The following GCNT3 variants were observed in gnomAD, a reference collection of about 807,000 sequenced individuals.
GCNT3 encodes the protein beta-1,3-galactosyl-O-glycosyl-glycoprotein beta-1,6-N-acetylglucosaminyltransferase 3.
For synonymous variants in GCNT3, 269 were observed against 195.2 expected, an observed-to-expected ratio of 1.38 and a Z score of -3.15; for missense variants, 708 against 530.3, an observed-to-expected ratio of 1.34 and a Z score of -3.29.
At chr15:59,613,577 TAAAA>T (rs869113538) in intron 1 of GCNT3, among the ~76,000 whole-genome samples, 2 of 115,460 alleles carry the variant, frequency 1.7e-5, no homozygotes, top group African/African-American at 6.3e-5. Context: ...AATAAATAAA[TAAAA>T]ATAAAAATAA....
chr15:59,620,385 C>G lies in GCNT3; in HGVS notation c.*830C>G, dbSNP rs981443259. 2.4e-5 allele frequency: 4 copies of G among 167,166 alleles called. No individual in the cohort carries two copies. The highest frequency in any genetic ancestry group is 9.6e-5 in the African/African-American group (4 of 41,558). The allele number at this position is 167,166 out of a possible 1,614,324, so 10.4% of individuals were successfully genotyped here. ...GTTTCACCATATTCGCCAGGCTGGT[C>G]TTGAACTCCTGACCTTGTGATCTGC... is the stretch of plus-strand genomic sequence containing the variant. On this transcript the variant is annotated 3_prime_UTR_variant, in exon 3 of 3. Coordinates refer to ENST00000396065, the MANE Select transcript of GCNT3 (RefSeq NM_004751.3).
In GCNT3 at chr15:59,611,919, A is replaced by T. The variant is rs1168238442; in HGVS notation, c.-313A>T. On this transcript the variant is annotated 5_prime_UTR_variant, in exon 1 of 3. It removes an upstream start codon present in the reference 5' UTR. Transcript: ENST00000396065. Reference sequence around the variant, plus strand: ...CACTGTAGGTGCTGAAGGGAAACAGATGAAGAACATGACCTCAAGGAGCTT... The same window carrying T: ...CACTGTAGGTGCTGAAGGGAAACAGTTGAAGAACATGACCTCAAGGAGCTT... 3 of 152,202 alleles carry T rather than the reference A, an allele frequency of 2.0e-5. No homozygotes were observed. Among genetic ancestry groups the T allele is most frequent in the African/African-American group, 4.8e-5 (2 of 41,446 alleles). The allele number at this position is 152,202 out of a possible 1,614,324, so 9.4% of individuals were successfully genotyped here.
chr15:59,619,277 C>T lies in GCNT3; in HGVS notation c.1039C>T (p.Pro347Ser), dbSNP rs879118879. 9.3e-6 allele frequency: 15 copies of T among 1,613,958 alleles called. No homozygotes were observed. The highest frequency in any genetic ancestry group is 1.1e-5 in the South Asian group (1 of 91,068). Residue 347 changes from proline (P) to serine (S), a missense_variant, in exon 3 of 3, where the codon CCC becomes TCC. Pro to Ser is a moderately conservative substitution (Grantham distance 74). Coordinates refer to ENST00000396065, the MANE Select transcript of GCNT3 (RefSeq NM_004751.3). ...TGCACGGTGGATGCCTGGCTCTGTTCCCAACCACCCCAAGTACGACATCTC... is the reference window on the plus strand; with the variant it reads ...TGCACGGTGGATGCCTGGCTCTGTTTCCAACCACCCCAAGTACGACATCTC... ...QRARWMPGSV[P>S]NHPKYDISDM...
chr15:59,613,573 TAA>T (rs758332863), intron 1 of GCNT3, among the ~76,000 whole-genome samples: 1 of 132,346 alleles, frequency 7.6e-6, no homozygotes, highest in Non-Finnish European at 1.6e-5. Flanking sequence ...AATAAATAAA[TAA>T]ATAAAAATAA....
In GCNT3 at chr15:59,620,871, C is replaced by CTTTTTTTTTTTTTT. The variant is rs35956614; in HGVS notation, c.*1332_*1345dup. 4 of 51,150 alleles carry CTTTTTTTTTTTTTT rather than the reference C, an allele frequency of 7.8e-5. 1 individual carries two copies. The highest frequency in any genetic ancestry group is 2.0e-3 in the South Asian group (2 of 1,012). The allele number at this position is 51,150 out of a possible 1,614,324, so 3.2% of individuals were successfully genotyped here. On this transcript the variant is annotated 3_prime_UTR_variant, in exon 3 of 3. Transcript: ENST00000396065. ...TGTTTAGGCCTCTTGAGTCAAAACT[C>CTTTTTTTTTTTTTT]TTTTTTTTTTTTTTTTTTTTTTTTT...
At chr15:59,614,540 C>T (rs2082711009) in intron 1 of GCNT3, among the ~76,000 whole-genome samples, 1 of 152,072 alleles carries the variant, frequency 6.6e-6, no homozygotes, top group Non-Finnish European at 1.5e-5. Flanking sequence ...TTCATGCCTC[C>T]CCCTTTTAGA....
rs1040032085 is a variant in GCNT3 at position 59,622,430 on chromosome 15, A to G, written c.*2875A>G. The G allele has an allele frequency of 5.3e-5, 8 of 152,232 alleles. No individual in the cohort carries two copies. The South Asian group carries it at 1.5e-3, about 28-fold the overall frequency. 9.4% of individuals were successfully genotyped at this position (152,232 alleles called of 1,614,324 possible). A position where few individuals can be genotyped will look rare whatever the true frequency, so the allele number is the denominator to read the frequency against. ...TCCTATTCACTTTGCTCCCAACCCC[A>G]CTACGGAGATGACTGATGACTAGTT... On this transcript the variant is annotated 3_prime_UTR_variant, in exon 3 of 3. Transcript: ENST00000396065.
intron 1 of GCNT3, among the ~76,000 whole-genome samples, chr15:59,615,792 G>A (rs2082717050): frequency 6.6e-6 from 1 of 152,134 alleles, no homozygotes; most frequent in African/African-American, 2.4e-5. Context: ...GGATGCTGGG[G>A]CAGGAGGATG....
In GCNT3 at chr15:59,619,425, G is replaced by C; in HGVS notation, c.1187G>C (p.Gly396Ala). The change falls in exon 3 of 3, where the codon GGG becomes GCG. Residue 396 changes from glycine to alanine, a missense_variant. Transcript: ENST00000396065. ...CGGGCTATCTGCGTTTATGGGGCTGGGGACTTGAATTGGATGCTTCAAAAC... is the reference window on the plus strand; with the variant it reads ...CGGGCTATCTGCGTTTATGGGGCTGCGGACTTGAATTGGATGCTTCAAAAC... ...HQRAICVYGA[G>A]DLNWMLQNHH... The C allele has an allele frequency of 6.2e-7, 1 of 1,614,118 alleles. No homozygotes were observed. Among genetic ancestry groups the C allele is most frequent in the Non-Finnish European group, 8.5e-7 (1 of 1,179,996 alleles).
Position 59,618,928 on chromosome 15 carries a change from C to G in GCNT3, c.690C>G (p.Asp230Glu), listed in dbSNP as rs768801647. ...WKYFLNTCGT[D>E]FPIKSNAEMV... ...ACTTCCTGAATACATGTGGGACGGA[C>G]TTTCCTATAAAGAGCAATGCAGAGA... Residue 230 changes from aspartate to glutamate, a missense_variant, in exon 3 of 3, where the codon GAC becomes GAG. By Grantham distance (45) the Asp-to-Glu change is conservative. Transcript: ENST00000396065. 3 of 1,614,098 alleles carry G rather than the reference C, an allele frequency of 1.9e-6. No individual in the cohort carries two copies. Among genetic ancestry groups the G allele is most frequent in the South Asian group, 2.2e-5 (2 of 91,084 alleles).
Position 59,619,072 on chromosome 15 carries a change from A to G in GCNT3, c.834A>G (p.Leu278=), listed in dbSNP as rs1418939945. 2 of 1,614,022 alleles carry G rather than the reference A, an allele frequency of 1.2e-6. No homozygotes were observed. Among genetic ancestry groups the G allele is most frequent in the African/African-American group, 2.7e-5 (2 of 74,918 alleles). The change falls in exon 3 of 3, where the codon CTA becomes CTG. Residue 278 remains leucine (L), a synonymous_variant. Transcript: ENST00000396065. The stretch of plus-strand genomic sequence containing the variant: ...AGGTAGTGAGAGACACATTACACCT[A>G]ACCAACAAGAAGAAGGATCCTCCCC... The part of the protein sequence containing the change: ...HFEVVRDTLH[L]TNKKKDPPPY...
At position 59,621,321 on chromosome 15, in the gene GCNT3, A is replaced by T. The variant is rs1890927078; in HGVS notation, c.*1766A>T. 1 of 152,164 alleles carries T rather than the reference A, an allele frequency of 6.6e-6. No homozygotes were observed. Among genetic ancestry groups the T allele is most frequent in the Admixed American group, 6.5e-5 (1 of 15,280 alleles). 9.4% of individuals were successfully genotyped at this position (152,164 alleles called of 1,614,324 possible). ...TATATGTGTGTGTATGTATACACAC[A>T]TACAGCACGCTACCTCCCAAGTGTT... On this transcript the variant is annotated 3_prime_UTR_variant, in exon 3 of 3. Coordinates refer to ENST00000396065, the MANE Select transcript of GCNT3 (RefSeq NM_004751.3).
In GCNT3 at chr15:59,618,720, G is replaced by C; in HGVS notation, c.482G>C (p.Cys161Ser). The part of the protein sequence containing the change: ...RAVYAPQNIY[C>S]VHVDEKSPET... ...GTGTATGCCCCTCAGAACATATACT[G>C]TGTCCATGTGGATGAGAAGTCCCCA... Residue 161 changes from cysteine to serine, a missense_variant, in exon 3 of 3, where the codon TGT becomes TCT. By Grantham distance (112) the Cys-to-Ser change is moderately radical. Transcript: ENST00000396065. 4 of 1,613,990 alleles carry C rather than the reference G, an allele frequency of 2.5e-6. No individual in the cohort carries two copies. Among genetic ancestry groups the C allele is most frequent in the Non-Finnish European group, 2.5e-6 (3 of 1,179,826 alleles).
intron 1 of GCNT3, among the ~76,000 whole-genome samples, chr15:59,614,006 C>T (rs545653036): frequency 2.6e-5 from 4 of 152,152 alleles, no homozygotes; most frequent in African/African-American, 9.6e-5. Flanking sequence ...ACAGCGAGAC[C>T]CTGTCTCTGA....
chr15:59,617,573 G>A (rs1428738521), intron 2 of GCNT3, among the ~76,000 whole-genome samples: 3 of 152,066 alleles, frequency 2.0e-5, no homozygotes, highest in Non-Finnish European at 4.4e-5. Flanking sequence ...AACTTGGATG[G>A]ATACTCTGAA....
In GCNT3 at chr15:59,618,666, T is replaced by G; in HGVS notation, c.428T>G (p.Ile143Ser). 6.2e-7 allele frequency: 1 copy of G among 1,614,124 alleles called. No homozygotes were observed. The highest frequency in any genetic ancestry group is 8.5e-7 in the Non-Finnish European group (1 of 1,180,008). ...TACTCTATGGTGATTCATGAGAAGA[T>G]TGAAAACTTTGAAAGGCTACTGCGA... ...IAYSMVIHEK[I>S]ENFERLLRAV... Residue 143 changes from isoleucine (I) to serine (S), a missense_variant, in exon 3 of 3, where the codon ATT (isoleucine) becomes AGT (serine). Coordinates refer to ENST00000396065, the MANE Select transcript of GCNT3 (RefSeq NM_004751.3).
chr15:59,619,421 G>T lies in GCNT3; in HGVS notation c.1183G>T (p.Ala395Ser), dbSNP rs11542806. The T allele has an allele frequency of 6.2e-7, 1 of 1,614,138 alleles. No individual in the cohort carries two copies. Among genetic ancestry groups the T allele is most frequent in the South Asian group, 1.1e-5 (1 of 91,082 alleles). ...IHQRAICVYG[A>S]GDLNWMLQNH... ...CCAGCGGGCTATCTGCGTTTATGGG[G>T]CTGGGGACTTGAATTGGATGCTTCA... Residue 395 changes from alanine to serine, a missense_variant, in exon 3 of 3, where the codon GCT becomes TCT. Physicochemically the swap from Ala to Ser is moderately conservative, Grantham distance 99 (BLOSUM62 1). Coordinates refer to ENST00000396065, the MANE Select transcript of GCNT3 (RefSeq NM_004751.3).
intron 1 of GCNT3, chr15:59,615,017 C>G (rs1401378750): frequency 1.3e-5 from 2 of 152,212 alleles, no homozygotes; most frequent in Non-Finnish European, 2.9e-5. Context: ...GCAACTCTGA[C>G]TCATCTCCAT....
At chr15:59,615,398 G>C (rs1417387694) in intron 1 of GCNT3, among the ~76,000 whole-genome samples, 1 of 152,142 alleles carries the variant, frequency 6.6e-6, no homozygotes, top group Admixed American at 6.5e-5. Context: ...CCACTCTTCA[G>C]AGCCATGAGT....
Sources: gnomAD v4.1 joint callset for allele counts (sites outside exome capture counted in the v4.1 genomes callset) on GRCh38, gnomAD v4.1.1 for gene constraint, MANE v1.5 for transcripts, NCBI Gene and HGNC (gene_info 2026-07-23, HGNC 2026-07-21) for gene names.